The following PRKCB variants were observed in gnomAD, a reference collection of about 807,000 sequenced individuals.
PRKCB encodes protein kinase C beta, also known as protein kinase C beta type.
In PRKCB, 13 loss-of-function variants were observed where a neutral mutation model predicts 81.5. The ratio of observed to expected loss-of-function variants is 0.16; its 90% CI spans 0.10 to 0.25. PRKCB has a LOEUF of 0.25. Among genes scored for constraint, PRKCB ranks in the 10% least tolerant of loss-of-function variants. The pLI, the probability that PRKCB is intolerant of heterozygous loss-of-function variation, is 1.00. For synonymous variants in PRKCB, 335 were observed against 321.4 expected, an observed-to-expected ratio of 1.04 and a Z score of -0.45; for missense variants, 509 against 875.7, an observed-to-expected ratio of 0.58 and a Z score of 5.29.
intron 16 of PRKCB, 29 bp downstream of exon 16, chr16:24,191,259 G>A (rs774779292): frequency 1.9e-6 from 3 of 1,612,764 alleles, no homozygotes; most frequent in Non-Finnish European, 2.5e-6. Context: ...CTGACTGCCG[G>A]GTATTCACAC....
intron 3 of PRKCB, chr16:24,031,927 A>AT: frequency 2.2e-6 from 1 of 445,864 alleles, no homozygotes; most frequent in South Asian, 3.3e-5. Context: ...AAAGGGAACA[A>AT]TCATCTGTCT....
In PRKCB at chr16:24,096,669, ATATATATATATATATAT is replaced by A. The variant is rs1567372922; in HGVS notation, c.821+2373_821+2389del. 5.5e-3 allele frequency among the ~76,000 whole-genome samples: 113 copies of A among 20,434 alleles called. 1 individual carries two copies. Among genetic ancestry groups the A allele is most frequent in the African/African-American group, 0.014 (107 of 7,390 alleles). The allele number at this position is 20,434 out of a possible 152,430, so 13.4% of individuals were successfully genotyped here. A position where few individuals can be genotyped will look rare whatever the true frequency, so the allele number is the denominator to read the frequency against. ...TCCTATGGCAAAAAAAAAAAAAAAT[ATATATATATATATATAT>A]ATATATATATATATATATATCCTCC... On this transcript the variant is annotated intron_variant, in intron 7 of 16. Transcript: ENST00000643927.
At chr16:23,938,615 A>G (rs1964094609) in intron 2 of PRKCB, among the ~76,000 whole-genome samples, 2 of 152,242 alleles carry the variant, frequency 1.3e-5, no homozygotes, top group South Asian at 2.1e-4. Flanking sequence ...GGAAGTAGAT[A>G]ACATAGGAGC....
chr16:24,181,008 G>T, intron 13 of PRKCB, 80 bp downstream of exon 13: 3 of 1,549,674 alleles, frequency 1.9e-6, no homozygotes, highest in East Asian at 4.5e-5. Context: ...GCTGGGAAGG[G>T]TTGAGGGTGG....
chr16:24,172,368 G>A lies in PRKCB; in HGVS notation c.1331+7G>A. ...TCAAGGAGCCCCATGCTGTGTAAGT[G>A]AGAACTAGTGCTGTGCTTTCTCCTT... On this transcript the variant is annotated splice_region_variant and intron_variant, in intron 11 of 16. Transcript: ENST00000643927. The A allele has an allele frequency of 1.2e-6, 2 of 1,612,020 alleles. No homozygotes were observed. The highest frequency in any genetic ancestry group is 1.7e-6 in the Non-Finnish European group (2 of 1,178,652).
At chr16:24,021,188 C>CTCTTTCTTTCTT (rs58292773) in intron 3 of PRKCB, among the ~76,000 whole-genome samples, 86 of 62,116 alleles carry the variant, frequency 1.4e-3, no homozygotes, top group African/African-American at 3.8e-3. Context: ...CCCTTCCTTC[C>CTCTTTCTTTCTT]TCTTTCTTTC....
At chr16:23,956,553 G>C (rs1964351896) in intron 2 of PRKCB, among the ~76,000 whole-genome samples, 1 of 152,146 alleles carries the variant, frequency 6.6e-6, no homozygotes, top group Non-Finnish European at 1.5e-5. Flanking sequence ...GATTTCCATA[G>C]AACAATTCTT....
chr16:24,052,975 G>A (rs988297177), intron 5 of PRKCB, among the ~76,000 whole-genome samples: 4 of 152,186 alleles, frequency 2.6e-5, no homozygotes, highest in Admixed American at 2.0e-4. Flanking sequence ...GAGAACCACT[G>A]CATTGGAAGA....
At chr16:24,205,732 C>T (rs559891833) in intron 16 of PRKCB, among the ~76,000 whole-genome samples, 4 of 152,118 alleles carry the variant, frequency 2.6e-5, no homozygotes, top group East Asian at 1.9e-4. Flanking sequence ...GTTCTAGAAA[C>T]GCAGTGGTGA....
chr16:23,961,590 G>A (rs1964427335), intron 2 of PRKCB, among the ~76,000 whole-genome samples: 1 of 152,172 alleles, frequency 6.6e-6, no homozygotes. Context: ...ATTGGCCTGT[G>A]TTGAGTGATG....
chr16:24,189,288 A>T lies in PRKCB; in HGVS notation c.1723-1802A>T, dbSNP rs143291201. Among the ~76,000 whole-genome samples the T allele has an allele frequency of 4.9e-3, 740 of 152,228 alleles. 9 individuals are homozygous for T. Among genetic ancestry groups the T allele is most frequent in the African/African-American group, 0.017 (701 of 41,544 alleles). On this transcript the variant is annotated intron_variant, in intron 15 of 16. Coordinates refer to ENST00000643927, the MANE Select transcript of PRKCB (RefSeq NM_002738.7). ...TTGCCTTTTTATTCAAATGGGAAAA[A>T]TAGTATACTCACCTCATTGGGTTAT... is the stretch of plus-strand genomic sequence containing the variant.
intron 16 of PRKCB, among the ~76,000 whole-genome samples, chr16:24,206,180 T>C (rs1968042591): frequency 6.6e-6 from 1 of 152,198 alleles, no homozygotes; most frequent in African/African-American, 2.4e-5. Flanking sequence ...TCTCTCTTTT[T>C]TTCTGCCAAA....
At position 24,214,066 on chromosome 16, in the gene PRKCB, G is replaced by A. The variant is rs148231678; in HGVS notation, c.1864-592G>A. On this transcript the variant is annotated intron_variant, in intron 16 of 16. Coordinates refer to ENST00000643927, the MANE Select transcript of PRKCB (RefSeq NM_002738.7). Reference sequence around the variant, plus strand: ...CCAGGGGCCTCGTGGTTGCCCAGGCGTTGCAAGCATCAAACCCAGATCTTC... The same window carrying A: ...CCAGGGGCCTCGTGGTTGCCCAGGCATTGCAAGCATCAAACCCAGATCTTC... 6.9e-3 allele frequency among the ~76,000 whole-genome samples: 1,054 copies of A among 152,156 alleles called. 4 individuals carry two copies. The highest frequency in any genetic ancestry group is 0.01 in the Non-Finnish European group (698 of 67,990).
intron 3 of PRKCB, among the ~76,000 whole-genome samples, chr16:24,031,130 G>A (rs1043988305): frequency 3.3e-5 from 5 of 152,140 alleles, no homozygotes; most frequent in South Asian, 2.1e-4. Flanking sequence ...TTAGAGCCCC[G>A]GAAGTTTATC....
At chr16:23,914,720 C>G (rs1039273286) in intron 2 of PRKCB, among the ~76,000 whole-genome samples, 1 of 152,156 alleles carries the variant, frequency 6.6e-6, no homozygotes, top group Non-Finnish European at 1.5e-5. Flanking sequence ...GGCCACAGCT[C>G]TTGTGCCCAA....
intron 2 of PRKCB, among the ~76,000 whole-genome samples, chr16:23,882,021 T>TCTCTTTCTTTCTTCCTTCCTTC (rs1555481693): frequency 1.6e-4 from 9 of 55,636 alleles, no homozygotes; most frequent in African/African-American, 4.7e-4. Context: ...TTTCTTTCTT[T>TCTCTTTCTTTCTTCCTTCCTTC]CTTCCTTCCT....
At chr16:24,010,738 G>A (rs1965192560) in intron 3 of PRKCB, among the ~76,000 whole-genome samples, 1 of 152,120 alleles carries the variant, frequency 6.6e-6, no homozygotes, top group Non-Finnish European at 1.5e-5. Flanking sequence ...TGCAGGTTTT[G>A]GGAGGAAGAT....
In PRKCB at chr16:24,218,842, T is replaced by C. The variant is rs1300196058; in HGVS notation, c.*4026T>C. On this transcript the variant is annotated 3_prime_UTR_variant, in exon 17 of 17. Transcript: ENST00000643927. Reference sequence around the variant, plus strand: ...GCCTTCTTCCCTGGTTGTCTTGTAATAAAACAGCCATGGGGTTGTCCCTCC... The same window carrying C: ...GCCTTCTTCCCTGGTTGTCTTGTAACAAAACAGCCATGGGGTTGTCCCTCC... The C allele has an allele frequency of 3.0e-6, 3 of 985,270 alleles. No individual in the cohort carries two copies. Among genetic ancestry groups the C allele is most frequent in the African/African-American group, 1.7e-5 (1 of 57,212 alleles). The allele number at this position is 985,270 out of a possible 1,614,324, so 61.0% of individuals were successfully genotyped here.
chr16:23,856,484 C>CACAGTG (rs1962569600), intron 2 of PRKCB, among the ~76,000 whole-genome samples: 2 of 151,558 alleles, frequency 1.3e-5, no homozygotes, highest in Non-Finnish European at 2.9e-5. Flanking sequence ...CAGAAAATAT[C>CACAGTG]ACAGTGCATC....
Sources: gnomAD v4.1 joint callset for allele counts (sites outside exome capture counted in the v4.1 genomes callset) on GRCh38, gnomAD v4.1.1 for gene constraint, MANE v1.5 for transcripts, NCBI Gene and HGNC (gene_info 2026-07-23, HGNC 2026-07-21) for gene names.